Variants in PTPRM observed in about 807,000 individuals in gnomAD.
PTPRM encodes the protein receptor-type tyrosine-protein phosphatase mu.
Under a neutral mutation model 186.7 loss-of-function variants are expected in PTPRM, and 47 were observed. That is an observed-to-expected ratio of 0.25 (90% CI 0.20 to 0.32). The LOEUF (loss-of-function observed/expected upper bound fraction) is 0.32. PTPRM is among the 10% of genes least tolerant of loss of function. The probability of loss-of-function intolerance (pLI) is 1.00; values close to 1 mark genes in which losing one functional copy is unlikely to be tolerated. For missense variants in PTPRM, 1,494 were observed against 1,865.0 expected, an observed-to-expected ratio of 0.80 and a Z score of 3.66; for synonymous variants, 668 against 674.9, an observed-to-expected ratio of 0.99 and a Z score of 0.16.
intron 7 of PTPRM, among the ~76,000 whole-genome samples, chr18:8,038,372 G>A (rs1369071387): frequency 6.9e-5 from 10 of 145,248 alleles, no homozygotes; most frequent in African/African-American, 2.0e-4. Flanking sequence ...TCCTCAATTA[G>A]CTTTTAGATT....
intron 14 of PTPRM, among the ~76,000 whole-genome samples, chr18:8,197,197 T>C (rs999391278): frequency 1.3e-5 from 2 of 152,350 alleles, no homozygotes; most frequent in African/African-American, 4.8e-5. Flanking sequence ...AGGCCAATGT[T>C]CTATGTAATG....
chr18:7,876,612 C>T (rs2048256996), intron 2 of PTPRM, among the ~76,000 whole-genome samples: 1 of 152,182 alleles, frequency 6.6e-6, no homozygotes, highest in Admixed American at 6.5e-5. Context: ...AGGCTGAATC[C>T]TGCTCCACAT....
chr18:8,244,220 A>G lies in PTPRM; in HGVS notation c.2452+11A>G. 7 of 1,526,218 alleles carry G rather than the reference A, an allele frequency of 4.6e-6. No individual in the cohort carries two copies. Among genetic ancestry groups the G allele is most frequent in the Non-Finnish European group, 5.2e-6 (6 of 1,143,226 alleles). The allele number at this position is 1,526,218 out of a possible 1,614,324, so 94.5% of individuals were successfully genotyped here. ...ATCTGAATGGGAGATGTAAGTGCAT[A>G]TGTTTCTTGGCTTCTAACACATCTC... On this transcript the variant is annotated intron_variant, in intron 15 of 32. Transcript: ENST00000580170.
chr18:7,957,366 A>C (rs1195343049), intron 7 of PTPRM, among the ~76,000 whole-genome samples: 1 of 152,194 alleles, frequency 6.6e-6, no homozygotes, highest in Non-Finnish European at 1.5e-5. Flanking sequence ...TTAATAATAG[A>C]TTGACAGTTA....
intron 2 of PTPRM, among the ~76,000 whole-genome samples, chr18:7,838,133 A>G (rs764783005): frequency 6.6e-5 from 10 of 152,172 alleles, no homozygotes; most frequent in African/African-American, 2.4e-4. Flanking sequence ...ACAGGTACAC[A>G]TGGCTGGGGA....
At chr18:8,296,504 T>C (rs367836051) in intron 20 of PTPRM, 49 bp downstream of exon 20, 30 of 1,382,042 alleles carry the variant, frequency 2.2e-5, no homozygotes, top group Non-Finnish European at 3.1e-5. Context: ...CCTTTTTGCA[T>C]CTAGTAAGAT....
intron 1 of PTPRM, among the ~76,000 whole-genome samples, chr18:7,623,119 A>T (rs1037705023): frequency 6.6e-6 from 1 of 152,118 alleles, no homozygotes; most frequent in African/African-American, 2.4e-5. Flanking sequence ...TGGAAATTAT[A>T]ATTTTTCTAT....
intron 1 of PTPRM, among the ~76,000 whole-genome samples, chr18:7,744,588 A>G (rs990666558): frequency 7.9e-5 from 12 of 152,146 alleles, no homozygotes; most frequent in African/African-American, 2.9e-4. Flanking sequence ...ATATATTCCT[A>G]GTGCCTAGAC....
intron 7 of PTPRM, among the ~76,000 whole-genome samples, chr18:8,008,717 A>G (rs1808518493): frequency 6.6e-6 from 1 of 152,148 alleles, no homozygotes; most frequent in African/African-American, 2.4e-5. Context: ...GTGTTGCTGC[A>G]GGAAGCCCTG....
intron 1 of PTPRM, among the ~76,000 whole-genome samples, chr18:7,753,477 C>G (rs1266625567): frequency 6.6e-6 from 1 of 152,104 alleles, no homozygotes; most frequent in Non-Finnish European, 1.5e-5. Context: ...CTTGAGAAAT[C>G]TTTTCTTTCT....
chr18:7,919,719 G>C (rs2050755590), intron 4 of PTPRM, among the ~76,000 whole-genome samples: 1 of 152,104 alleles, frequency 6.6e-6, no homozygotes. Flanking sequence ...ATAGACGTCA[G>C]TTATGACTAT....
intron 4 of PTPRM, among the ~76,000 whole-genome samples, chr18:7,918,384 A>G (rs1304755561): frequency 1.3e-5 from 2 of 152,128 alleles, no homozygotes; most frequent in African/African-American, 4.8e-5. Flanking sequence ...CTTTCTCCAC[A>G]TGCTCACCAG....
chr18:8,281,376 T>C (rs1023388844), intron 19 of PTPRM, among the ~76,000 whole-genome samples: 1 of 152,210 alleles, frequency 6.6e-6, no homozygotes, highest in Admixed American at 6.5e-5. Flanking sequence ...CTCCTCCACC[T>C]ACAGCAGGAT....
At chr18:7,636,593 C>CT (rs1025461067) in intron 1 of PTPRM, among the ~76,000 whole-genome samples, 4 of 152,030 alleles carry the variant, frequency 2.6e-5, no homozygotes, top group African/African-American at 9.7e-5. Flanking sequence ...AGCCTACAGC[C>CT]TAAGGGGGAG....
intron 8 of PTPRM, among the ~76,000 whole-genome samples, chr18:8,070,688 A>G (rs985487800): frequency 2.6e-5 from 4 of 152,206 alleles, no homozygotes; most frequent in Admixed American, 2.6e-4. Flanking sequence ...CTTTACACAG[A>G]TGACACAGGG....
At chr18:7,887,586 A>G (rs1368023350) in intron 2 of PTPRM, among the ~76,000 whole-genome samples, 1 of 152,092 alleles carries the variant, frequency 6.6e-6, no homozygotes, top group Non-Finnish European at 1.5e-5. Context: ...GTCTTTCTCT[A>G]GGTTATACAG....
At chr18:8,228,961 G>A (rs2094250405) in intron 14 of PTPRM, among the ~76,000 whole-genome samples, 1 of 152,148 alleles carries the variant, frequency 6.6e-6, no homozygotes, top group African/African-American at 2.4e-5. Flanking sequence ...AACTTGAAAA[G>A]TGGTAGACCA....
intron 32 of PTPRM, among the ~76,000 whole-genome samples, chr18:8,401,612 C>A (rs1161152576): frequency 6.6e-6 from 1 of 152,222 alleles, no homozygotes; most frequent in African/African-American, 2.4e-5. Flanking sequence ...CTCTTTGAAC[C>A]TTTGGAGGCC....
At chr18:7,691,980 T>TG (rs372767033) in intron 1 of PTPRM, among the ~76,000 whole-genome samples, 10 of 73,718 alleles carry the variant, frequency 1.4e-4, no homozygotes, top group Non-Finnish European at 2.2e-4. Context: ...GTTAAGGAGG[T>TG]GGAGGATGGC....
Sources: gnomAD v4.1 joint callset for allele counts (sites outside exome capture counted in the v4.1 genomes callset) on GRCh38, gnomAD v4.1.1 for gene constraint, MANE v1.5 for transcripts, NCBI Gene and HGNC (gene_info 2026-07-23, HGNC 2026-07-21) for gene names.